The following GALNTL6 variants were observed in gnomAD, a reference collection of about 807,000 sequenced individuals.
The protein encoded by GALNTL6 is polypeptide N-acetylgalactosaminyltransferase-like 6.
A neutral mutation model predicts 73.7 loss-of-function variants in GALNTL6; 46 were observed. That is an observed-to-expected ratio of 0.62 (90% CI 0.49 to 0.80). GALNTL6 has a LOEUF of 0.80. Ranked by LOEUF, GALNTL6 falls within the 30% of genes least tolerant of loss-of-function variation. The pLI, the probability that GALNTL6 is intolerant of heterozygous loss-of-function variation, is 0.00. For synonymous variants in GALNTL6, 259 were observed against 263.7 expected (o/e 0.98, Z 0.17); for missense variants, 604 against 755.0 (o/e 0.80, Z 2.34).
intron 5 of GALNTL6, among the ~76,000 whole-genome samples, chr4:172,352,785 G>A (rs531614576): frequency 8.6e-5 from 13 of 152,028 alleles, no homozygotes; most frequent in African/African-American, 2.9e-4. Flanking sequence ...GCACACAGGC[G>A]CACACTCACT....
chr4:172,385,495 T>C (rs1156360351), intron 5 of GALNTL6, among the ~76,000 whole-genome samples: 7 of 152,132 alleles, frequency 4.6e-5, no homozygotes, highest in African/African-American at 1.7e-4. Context: ...TATGTATTGC[T>C]GAATAATTGA....
chr4:172,755,687 C>G (rs1421351248), intron 5 of GALNTL6, among the ~76,000 whole-genome samples: 1 of 152,188 alleles, frequency 6.6e-6, no homozygotes, highest in Non-Finnish European at 1.5e-5. Context: ...ATACAACATA[C>G]AAAAGCATTG....
At chr4:172,137,449 T>C (rs557494068) in intron 2 of GALNTL6, among the ~76,000 whole-genome samples, 2 of 152,292 alleles carry the variant, frequency 1.3e-5, no homozygotes, top group South Asian at 4.1e-4. Flanking sequence ...TCTTCTTCAG[T>C]TAACAGATAA....
chr4:172,019,351 A>T (rs1185656065), intron 2 of GALNTL6, among the ~76,000 whole-genome samples: 1 of 152,146 alleles, frequency 6.6e-6, no homozygotes, highest in South Asian at 2.1e-4. Flanking sequence ...ATTTTTTTCC[A>T]TAGAGTGATT....
At position 172,965,059 on chromosome 4, in the gene GALNTL6, A is replaced by G. The variant is rs566055215; in HGVS notation, c.1371+12801A>G. 1.9e-3 allele frequency among the ~76,000 whole-genome samples: 297 copies of G among 152,342 alleles called. 2 individuals are homozygous for G. The highest frequency in any genetic ancestry group is 6.9e-3 in the African/African-American group (285 of 41,588). ...AGATCTTTAAATTAAGCACTCATTC[A>G]GAGATGATTTATCATTCAGACTGTA... On this transcript the variant is annotated intron_variant, in intron 10 of 12. Coordinates refer to ENST00000506823, the MANE Select transcript of GALNTL6 (RefSeq NM_001034845.3).
At chr4:171,921,493 G>A (rs141097395) in intron 2 of GALNTL6, among the ~76,000 whole-genome samples, 1 of 151,940 alleles carries the variant, frequency 6.6e-6, no homozygotes, top group Admixed American at 6.6e-5. Flanking sequence ...AGGTATACTT[G>A]GCTTATAAAG....
chr4:172,800,334 G>C (rs1321597906), intron 5 of GALNTL6, among the ~76,000 whole-genome samples: 1 of 152,168 alleles, frequency 6.6e-6, no homozygotes, highest in Non-Finnish European at 1.5e-5. Flanking sequence ...AAATAAGTTA[G>C]AGATTTGTTC....
At chr4:172,105,776 G>A (rs1014305604) in intron 2 of GALNTL6, among the ~76,000 whole-genome samples, 27 of 151,984 alleles carry the variant, frequency 1.8e-4, no homozygotes, top group Non-Finnish European at 3.7e-4. Context: ...TTTTTGAGAC[G>A]ACAAAAGCAT....
chr4:172,699,491 A>C (rs941774898), intron 5 of GALNTL6, among the ~76,000 whole-genome samples: 1 of 152,230 alleles, frequency 6.6e-6, no homozygotes, highest in Admixed American at 6.5e-5. Context: ...TATTTTATAA[A>C]TAACCTTCTC....
At chr4:172,904,448 T>C (rs561050911) in intron 8 of GALNTL6, among the ~76,000 whole-genome samples, 1 of 152,268 alleles carries the variant, frequency 6.6e-6, no homozygotes, top group South Asian at 2.1e-4. Context: ...ATTTCCTACT[T>C]GCTAAGTTTT....
At chr4:172,951,796 A>G (rs1749455204) in intron 9 of GALNTL6, among the ~76,000 whole-genome samples, 1 of 152,220 alleles carries the variant, frequency 6.6e-6, no homozygotes. Context: ...GGCTCTGATA[A>G]ATTAACTACC....
At chr4:172,570,326 C>A (rs934222334) in intron 5 of GALNTL6, among the ~76,000 whole-genome samples, 1 of 152,102 alleles carries the variant, frequency 6.6e-6, no homozygotes, top group Non-Finnish European at 1.5e-5. Flanking sequence ...AAAAGGATAA[C>A]CAGTGGGGCT....
intron 7 of GALNTL6, among the ~76,000 whole-genome samples, chr4:172,856,322 G>A (rs1314224153): frequency 1.3e-5 from 2 of 152,276 alleles, no homozygotes; most frequent in African/African-American, 4.8e-5. Flanking sequence ...ATAAAAAATG[G>A]TGAGAAACAG....
At chr4:172,483,145 G>A (rs1259837486) in intron 5 of GALNTL6, among the ~76,000 whole-genome samples, 2 of 152,060 alleles carry the variant, frequency 1.3e-5, no homozygotes, top group Non-Finnish European at 2.9e-5. Flanking sequence ...CTTACTAAAT[G>A]TCTTGGAGTC....
intron 4 of GALNTL6, among the ~76,000 whole-genome samples, chr4:172,337,152 A>G (rs539270221): frequency 5.9e-4 from 89 of 151,928 alleles, no homozygotes; most frequent in African/African-American, 1.9e-3. Context: ...CTTTAAGCTT[A>G]TGGGTATCCT....
chr4:171,959,414 T>C (rs1262019162), intron 2 of GALNTL6, among the ~76,000 whole-genome samples: 2 of 152,220 alleles, frequency 1.3e-5, no homozygotes, highest in Non-Finnish European at 2.9e-5. Context: ...AACTTTAAAA[T>C]AGAGTTCTGT....
intron 3 of GALNTL6, among the ~76,000 whole-genome samples, chr4:172,267,724 C>A (rs558057372): frequency 6.6e-6 from 1 of 152,252 alleles, no homozygotes; most frequent in African/African-American, 2.4e-5. Context: ...ACCTAGCTCT[C>A]CTATTTCTCC....
At chr4:172,352,061 T>G (rs1741961365) in intron 5 of GALNTL6, among the ~76,000 whole-genome samples, 2 of 152,152 alleles carry the variant, frequency 1.3e-5, no homozygotes, top group African/African-American at 2.4e-5. Context: ...TTAGAATGCA[T>G]ATTTACAACA....
intron 2 of GALNTL6, among the ~76,000 whole-genome samples, chr4:171,998,501 T>C (rs1166962415): frequency 6.6e-6 from 1 of 152,130 alleles, no homozygotes; most frequent in Non-Finnish European, 1.5e-5. Context: ...ACTTAACCTC[T>C]TTAAACGTCC....
Sources: gnomAD v4.1 joint callset for allele counts (sites outside exome capture counted in the v4.1 genomes callset) on GRCh38, gnomAD v4.1.1 for gene constraint, MANE v1.5 for transcripts, NCBI Gene and HGNC (gene_info 2026-07-23, HGNC 2026-07-21) for gene names.